FMN2: variants seen among roughly 807,000 people sequenced by gnomAD.
FMN2 encodes formin-2.
A neutral mutation model predicts 142.3 loss-of-function variants in FMN2; 51 were observed. That is an observed-to-expected ratio of 0.36 (90% CI 0.29 to 0.45). The LOEUF is 0.45. Among genes scored for constraint, FMN2 ranks in the 20% least tolerant of loss-of-function variants. FMN2 has a pLI of 1.00. For synonymous variants in FMN2, 882 were observed against 869.8 expected, an observed-to-expected ratio of 1.01 and a Z score of -0.25; for missense variants, 1,936 against 2,122.8, an observed-to-expected ratio of 0.91 and a Z score of 1.73.
At chr1:240,359,481 T>C (rs750484155) in intron 14 of FMN2, among the ~76,000 whole-genome samples, 14 of 152,244 alleles carry the variant, frequency 9.2e-5, no homozygotes, top group South Asian at 2.1e-4. Context: ...CTCTGTATAA[T>C]AGAAACATCT....
Position 240,222,423 on chromosome 1 carries a change from T to A in FMN2, c.4065+11188T>A, listed in dbSNP as rs577728995. Among the ~76,000 whole-genome samples, 15 of 152,268 alleles carry A rather than the reference T, an allele frequency of 9.9e-5. No individual in the cohort carries two copies. The South Asian group carries it at 1.5e-3, about 15-fold the overall frequency. On this transcript the variant is annotated intron_variant, in intron 6 of 17. Transcript: ENST00000319653. ...TAGTAGAGTTTGAAGTCAGGTGGTG[T>A]GATGCTTCCAGCTTTGTTCTTTTTG...
chr1:240,342,984 T>A (rs79693436), intron 13 of FMN2, among the ~76,000 whole-genome samples: 1,630 of 152,242 alleles, frequency 0.011, 13 homozygotes, highest in South Asian at 0.024. Context: ...AAAAAAATAG[T>A]ATTTCAAGCA....
chr1:240,327,227 A>G (rs1449028498), intron 8 of FMN2, among the ~76,000 whole-genome samples: 1 of 152,212 alleles, frequency 6.6e-6, no homozygotes, highest in Non-Finnish European at 1.5e-5. Context: ...CTTTTGACGC[A>G]TCACATTCCA....
At chr1:240,343,448 G>A (rs548887170) in intron 13 of FMN2, among the ~76,000 whole-genome samples, 2 of 152,214 alleles carry the variant, frequency 1.3e-5, no homozygotes, top group South Asian at 2.1e-4. Flanking sequence ...CACAAACACC[G>A]CCTCCTTTTG....
At chr1:240,147,177 G>A (rs6665251) in intron 2 of FMN2, among the ~76,000 whole-genome samples, 69,758 of 152,004 alleles carry the variant, frequency 0.46, 17,255 homozygotes, top group South Asian at 0.65. Context: ...TCTTCAATTA[G>A]TTGGTCTTAA....
chr1:240,329,346 T>A lies in FMN2; in HGVS notation c.4315T>A (p.Tyr1439Asn). The A allele has an allele frequency of 6.2e-7, 1 of 1,612,404 alleles. No homozygotes were observed. The highest frequency in any genetic ancestry group is 8.5e-7 in the Non-Finnish European group (1 of 1,179,596). Residue 1439 changes from tyrosine (Y) to asparagine (N), a missense_variant, in exon 10 of 18, where the codon TAT becomes AAT. Around this residue, in one of 8 missense-constraint regions of FMN2, gnomAD observed 322 missense variants for 401.6 expected, o/e 0.80. Transcript: ENST00000319653. ...TTGGCTTTATTTCCTTAGGTTCCTT[T>A]ATGAACTGTCACTAATCCCCAACTT... Reference protein sequence around the residue: ...KSLDKPEQFLYELSLIPNFSE... With the variant: ...KSLDKPEQFLNELSLIPNFSE...
intron 15 of FMN2, among the ~76,000 whole-genome samples, chr1:240,416,770 T>C (rs1674591359): frequency 1.4e-5 from 2 of 147,814 alleles, no homozygotes; most frequent in Admixed American, 1.4e-4. Flanking sequence ...TTTTTTTTTT[T>C]AAGTTGTTTT....
chr1:240,388,755 G>C (rs1012719131), intron 14 of FMN2, among the ~76,000 whole-genome samples: 1 of 151,670 alleles, frequency 6.6e-6, no homozygotes, highest in Non-Finnish European at 1.5e-5. Context: ...CCAACTACTC[G>C]GGAGGCTGAG....
intron 16 of FMN2, among the ~76,000 whole-genome samples, chr1:240,451,417 T>C (rs886368672): frequency 1.3e-5 from 2 of 152,038 alleles, no homozygotes; most frequent in African/African-American, 4.8e-5. Flanking sequence ...GCTGAGTCTG[T>C]AGCTGTTTTG....
chr1:240,410,505 C>T (rs1056604810), intron 15 of FMN2, among the ~76,000 whole-genome samples: 30 of 152,160 alleles, frequency 2.0e-4, no homozygotes, highest in African/African-American at 6.7e-4. Context: ...AGAATCTAGA[C>T]GAAGATCTAG....
intron 14 of FMN2, among the ~76,000 whole-genome samples, chr1:240,357,648 A>C (rs9659758): frequency 1.3e-5 from 2 of 148,236 alleles, no homozygotes; most frequent in South Asian, 2.2e-4. Context: ...TCGCACTGTT[A>C]CCGGGCTGAT....
chr1:240,450,682 A>C (rs750159860), intron 16 of FMN2, among the ~76,000 whole-genome samples: 1 of 152,194 alleles, frequency 6.6e-6, no homozygotes, highest in Admixed American at 6.5e-5. Context: ...CTCCTGGCCA[A>C]TGTGGCTCCG....
intron 2 of FMN2, chr1:240,144,081 G>A: frequency 9.2e-7 from 1 of 1,087,962 alleles, no homozygotes; most frequent in Non-Finnish European, 1.4e-6. Flanking sequence ...AAGGAGTACA[G>A]GTTACTTCTC....
At position 240,421,112 on chromosome 1, in the gene FMN2, A is replaced by G. The variant is rs150965834; in HGVS notation, c.4911-16949A>G. On this transcript the variant is annotated intron_variant, in intron 15 of 17. Transcript: ENST00000319653. ...CTTGTGTCTGTAGGATTGCACTTGTATCAGTATTCTTGCAGCTCACTCACT... is the reference window on the plus strand; with the variant it reads ...CTTGTGTCTGTAGGATTGCACTTGTGTCAGTATTCTTGCAGCTCACTCACT... Among the ~76,000 whole-genome samples the G allele has an allele frequency of 1.5e-3, 222 of 152,266 alleles. 3 individuals are homozygous for G. Among genetic ancestry groups the G allele is most frequent in the East Asian group, 8.5e-3 (44 of 5,162 alleles).
At position 240,103,151 on chromosome 1, in the gene FMN2, C is replaced by T. The variant is rs759802515; in HGVS notation, c.1615+9427C>T. On this transcript the variant is annotated intron_variant, in intron 1 of 17. Transcript: ENST00000319653. ...AAAATGCTGGGATTTCAGGCATGAG[C>T]CACTGCTCCTGGCCAATGCCTTTAA... Among the ~76,000 whole-genome samples, 5 of 152,210 alleles carry T rather than the reference C, an allele frequency of 3.3e-5. No homozygotes were observed. The South Asian group carries it at 1.0e-3, about 31-fold the overall frequency.
chr1:240,417,886 G>A (rs182491131), intron 15 of FMN2, among the ~76,000 whole-genome samples: 13 of 152,098 alleles, frequency 8.5e-5, no homozygotes, highest in South Asian at 2.1e-4. Context: ...ATTCCATGAC[G>A]TTTTCAGACA....
chr1:240,311,719 T>C (rs560253182), intron 8 of FMN2, among the ~76,000 whole-genome samples: 1 of 152,244 alleles, frequency 6.6e-6, no homozygotes, highest in Non-Finnish European at 1.5e-5. Flanking sequence ...AAACCAACTA[T>C]ATTGCATAAA....
chr1:240,415,118 A>T (rs908686365), intron 15 of FMN2, among the ~76,000 whole-genome samples: 2 of 152,232 alleles, frequency 1.3e-5, no homozygotes, highest in Non-Finnish European at 2.9e-5. Context: ...GTTGAATAGC[A>T]AAGTCTTGGA....
chr1:240,440,985 T>C (rs1023689240), intron 16 of FMN2, among the ~76,000 whole-genome samples: 1 of 138,582 alleles, frequency 7.2e-6, no homozygotes, highest in Non-Finnish European at 1.5e-5. Context: ...TGCCCTGCTT[T>C]GGTGTAAACT....
Sources: allele counts gnomAD v4.1 joint callset (sites outside exome capture counted in the v4.1 genomes callset), GRCh38; gene constraint gnomAD v4.1.1; regional missense constraint gnomAD v4.1.1; transcripts MANE v1.5; gene names NCBI Gene and HGNC (gene_info 2026-07-23, HGNC 2026-07-21).